SH3BGRL2: variants seen among roughly 807,000 people sequenced by gnomAD.
SH3BGRL2 encodes the protein SH3 domain-binding glutamic acid-rich-like protein 2.
A neutral mutation model predicts 14.8 loss-of-function variants in SH3BGRL2; 21 were observed. The ratio of observed to expected loss-of-function variants is 1.42; its 90% CI spans 1.01 to 2.05. SH3BGRL2 has a LOEUF of 2.05. Ranked by LOEUF, SH3BGRL2 falls within the 30% of genes most tolerant of loss-of-function variation. The pLI is 0.00. For synonymous variants in SH3BGRL2, 50 were observed against 47.8 expected (o/e 1.05, Z -0.19); for missense variants, 147 against 130.8 (o/e 1.12, Z -0.61).
chr6:79,627,177 A>AT (rs1290383271), upstream of SH3BGRL2, among the ~76,000 whole-genome samples: 3 of 152,152 alleles, frequency 2.0e-5, no homozygotes, highest in Non-Finnish European at 4.4e-5. Flanking sequence ...TCCCAGCCTC[A>AT]TACCATCCCC....
At chr6:79,622,258 T>G in the SH3BGRL2 span, among the ~76,000 whole-genome samples, 2 of 152,196 alleles carry the variant, frequency 1.3e-5, no homozygotes, top group Non-Finnish European at 2.9e-5. Context: ...TATTTAGTGC[T>G]GCAGAATTCA....
the SH3BGRL2 span, among the ~76,000 whole-genome samples, chr6:79,600,997 T>C: frequency 6.6e-6 from 1 of 151,994 alleles, no homozygotes; most frequent in African/African-American, 2.4e-5. Flanking sequence ...TCAAGCTCTC[T>C]CTCTTCTCCC....
chr6:79,701,385 A>G lies in SH3BGRL2; in HGVS notation c.*1876A>G, dbSNP rs1469962523. ...AGCTAACATTTAGTCTACTCTTGCT[A>G]GTGAGTGCCAAGAACCAACTTGGTA... On this transcript the variant is annotated 3_prime_UTR_variant, in exon 4 of 4. Coordinates refer to ENST00000369838, the MANE Select transcript of SH3BGRL2 (RefSeq NM_031469.4). 2 of 152,158 alleles carry G rather than the reference A, an allele frequency of 1.3e-5. No homozygotes were observed. Among genetic ancestry groups the G allele is most frequent in the Non-Finnish European group, 2.9e-5 (2 of 68,026 alleles). The allele number at this position is 152,158 out of a possible 1,614,324, so 9.4% of individuals were successfully genotyped here.
chr6:79,613,434 A>G, the SH3BGRL2 span, among the ~76,000 whole-genome samples: 4 of 152,222 alleles, frequency 2.6e-5, no homozygotes, highest in Non-Finnish European at 5.9e-5. Context: ...ATATTAGTCC[A>G]TAGTTTCTGG....
the SH3BGRL2 span, among the ~76,000 whole-genome samples, chr6:79,607,799 G>A: frequency 6.6e-6 from 1 of 152,108 alleles, no homozygotes; most frequent in Admixed American, 6.5e-5. Context: ...ACAAAAATTA[G>A]TCGGGCGTGG....
the SH3BGRL2 span, among the ~76,000 whole-genome samples, chr6:79,617,395 A>G: frequency 6.6e-6 from 1 of 152,182 alleles, no homozygotes; most frequent in African/African-American, 2.4e-5. Flanking sequence ...ATTTTCTTAC[A>G]TAATCATAAT....
chr6:79,625,323 G>C, the SH3BGRL2 span, among the ~76,000 whole-genome samples: 1 of 151,888 alleles, frequency 6.6e-6, no homozygotes, highest in African/African-American at 2.4e-5. Flanking sequence ...TTGAGGGATT[G>C]GTTAGTATGG....
chr6:79,601,449 G>A, the SH3BGRL2 span, among the ~76,000 whole-genome samples: 2,091 of 152,312 alleles, frequency 0.014, 26 homozygotes, highest in Non-Finnish European at 0.022. Flanking sequence ...ACCTGCCTTA[G>A]CCTCCCAAAG....
intron 1 of SH3BGRL2, among the ~76,000 whole-genome samples, chr6:79,669,452 C>T (rs1012114933): frequency 3.2e-4 from 39 of 122,886 alleles, no homozygotes; most frequent in Non-Finnish European, 4.6e-4. Flanking sequence ...AATTTATATT[C>T]TTTTTTTTTT....
chr6:79,690,670 T>A (rs2127738156), intron 2 of SH3BGRL2, among the ~76,000 whole-genome samples: 1 of 152,328 alleles, frequency 6.6e-6, no homozygotes, highest in African/African-American at 2.4e-5. Flanking sequence ...GGACATCACA[T>A]CCACGGTTGA....
At chr6:79,550,699 G>T in the SH3BGRL2 span, among the ~76,000 whole-genome samples, 1 of 152,092 alleles carries the variant, frequency 6.6e-6, no homozygotes, top group Admixed American at 6.5e-5. Flanking sequence ...GTATGGTGTG[G>T]TTAGTGCAGA....
At chr6:79,643,676 C>T (rs189330155) in intron 1 of SH3BGRL2, among the ~76,000 whole-genome samples, 1 of 152,262 alleles carries the variant, frequency 6.6e-6, no homozygotes, top group Admixed American at 6.5e-5. Context: ...CATAATTACC[C>T]TGCCCCCTCA....
chr6:79,647,293 ATGT>A (rs1483911286), intron 1 of SH3BGRL2, among the ~76,000 whole-genome samples: 9 of 151,964 alleles, frequency 5.9e-5, no homozygotes, highest in South Asian at 2.1e-4. Context: ...ATGACTAATA[ATGT>A]TGTTTTTTTT....
the SH3BGRL2 span, among the ~76,000 whole-genome samples, chr6:79,620,827 C>G: frequency 1.3e-5 from 2 of 152,118 alleles, no homozygotes; most frequent in African/African-American, 4.8e-5. Flanking sequence ...GAGTTGGAAG[C>G]CATGTTTTCC....
the SH3BGRL2 span, among the ~76,000 whole-genome samples, chr6:79,572,672 A>T: frequency 4.6e-5 from 7 of 151,954 alleles, no homozygotes; most frequent in Non-Finnish European, 7.4e-5. Flanking sequence ...TCACTGTGTT[A>T]GCCAGGATGG....
intron 2 of SH3BGRL2, among the ~76,000 whole-genome samples, chr6:79,694,736 T>G (rs1770295135): frequency 1.3e-5 from 2 of 152,108 alleles, no homozygotes; most frequent in Non-Finnish European, 2.9e-5. Flanking sequence ...TAATTCTTAT[T>G]TCTCCCTAAT....
Position 79,702,342 on chromosome 6 carries a change from T to C in SH3BGRL2, c.*2833T>C, listed in dbSNP as rs980043004. ...ATTTTACTATAGGGGTTTTGCTTTT[T>C]CTAGAGATACTTTTCATTTAACAGC... On this transcript the variant is annotated 3_prime_UTR_variant, in exon 4 of 4. Transcript: ENST00000369838. 1 of 152,668 alleles carries C rather than the reference T, an allele frequency of 6.6e-6. No individual in the cohort carries two copies. The highest frequency in any genetic ancestry group is 1.5e-5 in the Non-Finnish European group (1 of 68,044). The allele number at this position is 152,668 out of a possible 1,614,324, so 9.5% of individuals were successfully genotyped here.
chr6:79,579,718 A>G, the SH3BGRL2 span, among the ~76,000 whole-genome samples: 1 of 152,230 alleles, frequency 6.6e-6, no homozygotes, highest in African/African-American at 2.4e-5. Flanking sequence ...AAGACCATCG[A>G]TGCTATGAAG....
chr6:79,549,085 A>G, the SH3BGRL2 span, among the ~76,000 whole-genome samples: 13,670 of 152,256 alleles, frequency 0.09, 1,428 homozygotes, highest in East Asian at 0.55. Context: ...CTGTTTCCCA[A>G]AGTCTCCGTG....
Sources: gnomAD v4.1 joint callset for allele counts (sites outside exome capture counted in the v4.1 genomes callset) on GRCh38, gnomAD v4.1.1 for gene constraint, MANE v1.5 for transcripts, NCBI Gene and HGNC (gene_info 2026-07-23, HGNC 2026-07-21) for gene names.